SNRK: variants seen among roughly 807,000 people sequenced by gnomAD.
SNRK encodes SNF related kinase.
In SNRK, 3 loss-of-function variants were observed where a neutral mutation model predicts 48.2. That is an observed-to-expected ratio of 0.06 (90% CI 0.03 to 0.16). The LOEUF is 0.16. Ranked by LOEUF, SNRK falls within the 10% of genes least tolerant of loss-of-function variation. The probability of loss-of-function intolerance (pLI) is 1.00; values close to 1 mark genes in which losing one functional copy is unlikely to be tolerated. For synonymous variants in SNRK, 376 were observed against 366.1 expected (o/e 1.03, Z -0.31); for missense variants, 627 against 976.0 (o/e 0.64, Z 4.76).
chr3:43,348,133 G>A lies in SNRK; in HGVS notation c.1874G>A (p.Arg625His), dbSNP rs983920991. ...NPTNTSGTTR[R>H]CAGPSNSMQL... ...ACCAATACATCGGGTACCACACGCC[G>A]CTGTGCCGGCCCCAGCAACTCCATG... The change falls in exon 7 of 7, where the codon CGC becomes CAC. Residue 625 changes from arginine to histidine, a missense_variant. Arg to His is a conservative substitution (Grantham distance 29, BLOSUM62 0). Coordinates refer to ENST00000296088, the MANE Select transcript of SNRK (RefSeq NM_017719.5). 12 of 1,580,384 alleles carry A rather than the reference G, an allele frequency of 7.6e-6. No individual in the cohort carries two copies. Among genetic ancestry groups the A allele is most frequent in the Admixed American group, 5.4e-5 (3 of 55,996 alleles).
At chr3:43,299,377 C>T (rs148591854) in intron 1 of SNRK, among the ~76,000 whole-genome samples, 20 of 152,154 alleles carry the variant, frequency 1.3e-4, no homozygotes, top group African/African-American at 4.1e-4. Flanking sequence ...GGGGTTTCAC[C>T]ATATTGGTCA....
chr3:43,328,469 C>G (rs987254507), intron 3 of SNRK, among the ~76,000 whole-genome samples: 1 of 152,076 alleles, frequency 6.6e-6, no homozygotes, highest in African/African-American at 2.4e-5. Flanking sequence ...TTCCTGGGTT[C>G]AAGTGATCCT....
At chr3:43,316,203 CTTA>C (rs771367979) in intron 3 of SNRK, among the ~76,000 whole-genome samples, 3 of 151,952 alleles carry the variant, frequency 2.0e-5, no homozygotes, top group Non-Finnish European at 4.4e-5. Flanking sequence ...AGCTGTGGTA[CTTA>C]TTATTCTCAC....
At chr3:43,322,018 G>A (rs2091057469) in intron 3 of SNRK, among the ~76,000 whole-genome samples, 1 of 152,250 alleles carries the variant, frequency 6.6e-6, no homozygotes. Flanking sequence ...CTGGCAAATA[G>A]TGCTGCCGCA....
intron 1 of SNRK, among the ~76,000 whole-genome samples, chr3:43,287,701 C>A (rs2090777393): frequency 6.6e-6 from 1 of 152,192 alleles, no homozygotes; most frequent in African/African-American, 2.4e-5. Context: ...CACCAAGTTC[C>A]TATCAAACAT....
intron 1 of SNRK, among the ~76,000 whole-genome samples, chr3:43,293,977 T>A (rs908989945): frequency 5.3e-5 from 8 of 152,156 alleles, no homozygotes; most frequent in Non-Finnish European, 1.0e-4. Context: ...CAATTTTTTT[T>A]AAACTTAACA....
intron 3 of SNRK, among the ~76,000 whole-genome samples, chr3:43,324,223 C>T (rs891652835): frequency 6.6e-6 from 1 of 152,088 alleles, no homozygotes; most frequent in Non-Finnish European, 1.5e-5. Context: ...ATCTTACTGG[C>T]GTTAGGCCGG....
chr3:43,348,349 A>C lies in SNRK; in HGVS notation c.2090A>C (p.Gln697Pro). ...ATTAGCTCCACAGGGAATGCAGGGC[A>C]GGTCCCTGCAGTGGGCGGCATAAAG... Reference protein sequence around the residue: ...MCISSTGNAGQVPAVGGIKFF... With the variant: ...MCISSTGNAGPVPAVGGIKFF... Residue 697 changes from glutamine (Q) to proline (P), a missense_variant, in exon 7 of 7, where the codon CAG (glutamine) becomes CCG (proline). Coordinates refer to ENST00000296088, the MANE Select transcript of SNRK (RefSeq NM_017719.5). The C allele has an allele frequency of 6.2e-7, 1 of 1,609,040 alleles. No homozygotes were observed. Among genetic ancestry groups the C allele is most frequent in the Non-Finnish European group, 8.5e-7 (1 of 1,177,726 alleles).
intron 6 of SNRK, among the ~76,000 whole-genome samples, chr3:43,346,381 G>C (rs2125649950): frequency 6.6e-6 from 1 of 152,236 alleles, no homozygotes; most frequent in East Asian, 1.9e-4. Flanking sequence ...ATACCCCCCT[G>C]GGGAGAGAGG....
chr3:43,301,026 C>G (rs1328166145), intron 2 of SNRK, among the ~76,000 whole-genome samples: 2 of 152,200 alleles, frequency 1.3e-5, no homozygotes, highest in Admixed American at 6.5e-5. Context: ...TTAATAATTC[C>G]TGTCTTTGAG....
chr3:43,296,973 A>G (rs755559914), intron 1 of SNRK, among the ~76,000 whole-genome samples: 5 of 152,222 alleles, frequency 3.3e-5, no homozygotes, highest in African/African-American at 4.8e-5. Flanking sequence ...TTTCTCAGAC[A>G]TAAGTTTTTA....
intron 3 of SNRK, among the ~76,000 whole-genome samples, chr3:43,322,529 C>T (rs1028665910): frequency 2.0e-5 from 3 of 152,116 alleles, no homozygotes; most frequent in African/African-American, 7.2e-5. Context: ...CAATGACAAA[C>T]TCCCCTATAG....
At chr3:43,287,080 T>C (rs979060079) in intron 1 of SNRK, among the ~76,000 whole-genome samples, 8 of 150,068 alleles carry the variant, frequency 5.3e-5, no homozygotes, top group Non-Finnish European at 1.0e-4. Flanking sequence ...CCCTGGGCGC[T>C]TGGTAGGGTG....
rs1559472853 is a variant in SNRK at position 43,347,947 on chromosome 3, C to G, written c.1688C>G (p.Ser563Cys). ...RLDKDSGFTY[S>C]WHRRDSSEGP... ...GATAAAGATAGCGGGTTCACCTACT[C>G]CTGGCACCGACGGGATAGCAGCGAG... The change falls in exon 7 of 7, where the codon TCC (serine) becomes TGC (cysteine). Residue 563 changes from serine to cysteine, a missense_variant. Physicochemically the swap from Ser to Cys is moderately radical, Grantham distance 112 (BLOSUM62 -1). This residue lies in a region of SNRK where 98 missense variants were observed against 175.2 expected (regional missense o/e 0.56). Transcript: ENST00000296088. The surrounding 1 kb of genome is among the most constrained non-coding windows in gnomAD (Gnocchi z 5.4). 2 of 1,613,954 alleles carry G rather than the reference C, an allele frequency of 1.2e-6. No homozygotes were observed. Among genetic ancestry groups the G allele is most frequent in the Admixed American group, 1.7e-5 (1 of 60,002 alleles).
chr3:43,311,112 A>C (rs1276135452), intron 3 of SNRK, among the ~76,000 whole-genome samples: 1 of 152,142 alleles, frequency 6.6e-6, no homozygotes, highest in Non-Finnish European at 1.5e-5. Flanking sequence ...TACCTCTTGG[A>C]CACCATCCCT....
rs753165429 is a variant in SNRK at position 43,347,312 on chromosome 3, T to C, written c.1080-27T>C. 6.6e-7 allele frequency: 1 copy of C among 1,524,272 alleles called. No homozygotes were observed. Among genetic ancestry groups the C allele is most frequent in the South Asian group, 1.3e-5 (1 of 76,386 alleles). The allele number at this position is 1,524,272 out of a possible 1,614,324, so 94.4% of individuals were successfully genotyped here. A position where few individuals can be genotyped will look rare whatever the true frequency, so the allele number is the denominator to read the frequency against. Reference sequence around the variant, plus strand: ...ATCTGCATAATGATTATATGGCTTTTTTCCCCCCAATCTATCTGTTACATA... The same window carrying C: ...ATCTGCATAATGATTATATGGCTTTCTTCCCCCCAATCTATCTGTTACATA... On this transcript the variant is annotated intron_variant, in intron 6 of 6. Coordinates refer to ENST00000296088, the MANE Select transcript of SNRK (RefSeq NM_017719.5). This position sits in a 1 kb window ranked among gnomAD's most constrained non-coding sequence, Gnocchi z 5.4.
At chr3:43,339,684 C>T (rs2091217772) in intron 4 of SNRK, among the ~76,000 whole-genome samples, 1 of 151,048 alleles carries the variant, frequency 6.6e-6, no homozygotes, top group South Asian at 2.1e-4. Flanking sequence ...GGTGTGGTGG[C>T]ACGTGCCTGT....
intron 1 of SNRK, chr3:43,289,867 TACTCAAAA>T (rs2090796734): frequency 6.6e-6 from 1 of 152,666 alleles, no homozygotes; most frequent in African/African-American, 2.4e-5. Flanking sequence ...GCCATGTGGC[TACTCAAAA>T]GTTACTTCAG....
rs773430358 is a variant in SNRK, at chr3:43,332,150, G to A, written c.590-19G>A. On this transcript the variant is annotated intron_variant, in intron 3 of 6. Transcript: ENST00000296088. ...TTTCTAATTAGTCCAATATTTTAAA[G>A]TATGTCTTTGATTTATAGATATTTG... 12 of 1,510,928 alleles carry A rather than the reference G, an allele frequency of 7.9e-6. No homozygotes were observed. The highest frequency in any genetic ancestry group is 1.1e-5 in the Non-Finnish European group (12 of 1,129,460). 93.6% of individuals were successfully genotyped at this position (1,510,928 alleles called of 1,614,324 possible).
Sources: gnomAD v4.1 joint callset for allele counts (sites outside exome capture counted in the v4.1 genomes callset) on GRCh38, gnomAD v4.1.1 for gene constraint, gnomAD v4.1.1 regional missense constraint, Gnocchi (gnomAD v3.1) non-coding constraint, MANE v1.5 for transcripts, NCBI Gene and HGNC (gene_info 2026-07-23, HGNC 2026-07-21) for gene names.